The following RGS6 variants were observed in gnomAD, a reference collection of about 807,000 sequenced individuals.
RGS6 encodes regulator of G protein signaling 6.
Under a neutral mutation model 78.5 loss-of-function variants are expected in RGS6, and 30 were observed. That is an observed-to-expected ratio of 0.38 (90% CI 0.29 to 0.52). The LOEUF (loss-of-function observed/expected upper bound fraction) is 0.52, where lower values mean the gene tolerates loss of function less well. RGS6 is among the 20% of genes least tolerant of loss of function. RGS6 has a pLI of 0.85. For missense variants in RGS6, 495 were observed against 609.7 expected, an observed-to-expected ratio of 0.81 and a Z score of 1.98; for synonymous variants, 206 against 206.0, an observed-to-expected ratio of 1.00 and a Z score of 0.00.
At chr14:72,253,655 C>A (rs1035112846) in intron 2 of RGS6, among the ~76,000 whole-genome samples, 1 of 152,140 alleles carries the variant, frequency 6.6e-6, no homozygotes, top group African/African-American at 2.4e-5. Context: ...TTGGATGTGG[C>A]CAGTGAAGTT....
At chr14:72,575,536 A>G in the RGS6 span, among the ~76,000 whole-genome samples, 1 of 152,184 alleles carries the variant, frequency 6.6e-6, no homozygotes, top group African/African-American at 2.4e-5. Flanking sequence ...AAGGACAGGA[A>G]AAGGATGGGC....
At chr14:72,127,825 C>A (rs143003154) in intron 2 of RGS6, among the ~76,000 whole-genome samples, 8 of 152,264 alleles carry the variant, frequency 5.3e-5, no homozygotes, top group African/African-American at 1.7e-4. Flanking sequence ...ATAACTACAA[C>A]CCCTCATTCC....
At chr14:72,271,939 C>CCTT (rs1006787273) in intron 2 of RGS6, among the ~76,000 whole-genome samples, 1 of 130,494 alleles carries the variant, frequency 7.7e-6, no homozygotes, top group Non-Finnish European at 1.6e-5. Context: ...TTTTTTTTTG[C>CCTT]CTTCTTCTTC....
chr14:72,145,083 C>G (rs1186683817), intron 2 of RGS6, among the ~76,000 whole-genome samples: 2 of 151,998 alleles, frequency 1.3e-5, no homozygotes, highest in Non-Finnish European at 2.9e-5. Flanking sequence ...AGCCACATTA[C>G]TGGTCTGGGT....
At chr14:72,344,181 C>T (rs1011637978) in intron 2 of RGS6, among the ~76,000 whole-genome samples, 1 of 151,994 alleles carries the variant, frequency 6.6e-6, no homozygotes. Context: ...CTGCTTTTTT[C>T]TCCCATTAGA....
rs1449672343 is a variant in RGS6, at chr14:72,402,795, T to G, written c.184+50601T>G. Among the ~76,000 whole-genome samples the G allele has an allele frequency of 7.3e-5, 10 of 137,880 alleles. No homozygotes were observed. In the East Asian group the frequency reaches 8.2e-4, roughly 11 times the overall value. 90.5% of individuals were successfully genotyped at this position (137,880 alleles called of 152,430 possible). On this transcript the variant is annotated intron_variant, in intron 3 of 17. Transcript: ENST00000553525. ...TTATATTTTTTGTTTTTTTGGTTTT[T>G]TTTTTTTTTTTTTTTTTTTGAGAAG...
intron 2 of RGS6, among the ~76,000 whole-genome samples, chr14:72,301,947 T>A (rs1329508613): frequency 6.6e-6 from 1 of 152,208 alleles, no homozygotes; most frequent in Non-Finnish European, 1.5e-5. Flanking sequence ...CTTCAATATA[T>A]GAATTTTGGG....
intron 3 of RGS6, among the ~76,000 whole-genome samples, chr14:72,385,834 C>T (rs2087784344): frequency 6.6e-6 from 1 of 152,152 alleles, no homozygotes. Flanking sequence ...TTCTGAACTG[C>T]TCTTTAATTT....
At chr14:72,194,521 C>A (rs1476185684) in intron 2 of RGS6, among the ~76,000 whole-genome samples, 5 of 152,076 alleles carry the variant, frequency 3.3e-5, no homozygotes, top group Admixed American at 3.3e-4. Context: ...ACAGGTGATG[C>A]CACCACACCT....
intron 6 of RGS6, among the ~76,000 whole-genome samples, chr14:72,465,404 T>A (rs1357861231): frequency 2.0e-5 from 3 of 151,600 alleles, no homozygotes; most frequent in African/African-American, 7.3e-5. Flanking sequence ...TGATCATGAC[T>A]ATGAAAGGAT....
intron 17 of RGS6, among the ~76,000 whole-genome samples, chr14:72,549,348 G>T (rs566921013): frequency 6.6e-6 from 1 of 152,020 alleles, no homozygotes; most frequent in Non-Finnish European, 1.5e-5. Context: ...GGACACAGGC[G>T]CCCACTGGCA....
At chr14:72,156,453 C>CAAA (rs11332387) in intron 2 of RGS6, among the ~76,000 whole-genome samples, 16 of 76,762 alleles carry the variant, frequency 2.1e-4, no homozygotes, top group African/African-American at 2.7e-4. Context: ...GACTCCATCT[C>CAAA]AAAAAAAAAA....
chr14:71,993,438 C>CTAT (rs2095054761), intron 2 of RGS6, among the ~76,000 whole-genome samples: 1 of 152,132 alleles, frequency 6.6e-6, no homozygotes, highest in Non-Finnish European at 1.5e-5. Context: ...TGAATAGTTA[C>CTAT]TATCTATTGA....
chr14:72,454,533 G>T lies in RGS6; in HGVS notation c.190G>T (p.Asp64Tyr). 1 of 1,614,080 alleles carries T rather than the reference G, an allele frequency of 6.2e-7. No individual in the cohort carries two copies. The highest frequency in any genetic ancestry group is 8.5e-7 in the Non-Finnish European group (1 of 1,180,018). Residue 64 changes from aspartate to tyrosine, a missense_variant, in exon 4 of 18, where the codon GAC becomes TAC. By Grantham distance (160) the Asp-to-Tyr change is radical (BLOSUM62 -3). Coordinates refer to ENST00000553525, the MANE Select transcript of RGS6 (RefSeq NM_001204424.2). The stretch of plus-strand genomic sequence containing the variant: ...AAATTGCTTTATCGTTGCAGGTACT[G>T]ACATTGTGCAGTGGCTTATGAAGAA... Reference protein sequence around the residue: ...SKIPSVVTGTDIVQWLMKNLS... With the variant: ...SKIPSVVTGTYIVQWLMKNLS...
At chr14:72,387,476 G>C (rs1043896092) in intron 3 of RGS6, among the ~76,000 whole-genome samples, 11 of 151,834 alleles carry the variant, frequency 7.2e-5, no homozygotes, top group African/African-American at 2.7e-4. Context: ...GTGAACCCAG[G>C]AGGCAGAGCT....
At chr14:72,320,833 C>T (rs925230768) in intron 2 of RGS6, among the ~76,000 whole-genome samples, 1 of 150,346 alleles carries the variant, frequency 6.7e-6, no homozygotes, top group African/African-American at 2.4e-5. Flanking sequence ...CTCATTTAAA[C>T]ATGATAAATC....
intron 3 of RGS6, among the ~76,000 whole-genome samples, chr14:72,398,768 T>C (rs1219293657): frequency 6.6e-6 from 1 of 152,156 alleles, no homozygotes; most frequent in East Asian, 1.9e-4. Flanking sequence ...TTCTTGTTGG[T>C]TTCAAAAAAC....
intron 17 of RGS6, chr14:72,541,633 C>A: frequency 6.5e-7 from 1 of 1,534,878 alleles, no homozygotes; most frequent in South Asian, 1.2e-5. Flanking sequence ...AGTGGGATCC[C>A]ATCTCTCTCT....
At chr14:72,044,805 G>A (rs1396713954) in intron 2 of RGS6, among the ~76,000 whole-genome samples, 3 of 152,116 alleles carry the variant, frequency 2.0e-5, no homozygotes, top group Non-Finnish European at 4.4e-5. Context: ...CTTGGGAGGT[G>A]GAGGTTGCAG....
Sources: gnomAD v4.1 joint callset for allele counts (sites outside exome capture counted in the v4.1 genomes callset) on GRCh38, gnomAD v4.1.1 for gene constraint, MANE v1.5 for transcripts, NCBI Gene and HGNC (gene_info 2026-07-23, HGNC 2026-07-21) for gene names.